The following GIN1 variants were observed in gnomAD, a reference collection of about 807,000 sequenced individuals.
GIN1 encodes gypsy retrotransposon integrase-like protein 1.
Under a neutral mutation model 51.4 loss-of-function variants are expected in GIN1, and 41 were observed. The ratio of observed to expected loss-of-function variants is 0.80; its 90% CI spans 0.62 to 1.04. The LOEUF is 1.04. Among genes scored for constraint, GIN1 ranks in the 50% least tolerant of loss-of-function variants. The pLI is 0.00. For synonymous variants in GIN1, 222 were observed against 206.5 expected (o/e 1.07, Z -0.64); for missense variants, 610 against 612.4 (o/e 1.00, Z 0.04).
intron 3 of GIN1, among the ~76,000 whole-genome samples, chr5:103,105,289 T>C (rs564575739): frequency 1.3e-5 from 2 of 152,304 alleles, no homozygotes; most frequent in Non-Finnish European, 2.9e-5. Flanking sequence ...TTGCATATAC[T>C]GAGGGAAGAC....
At chr5:103,095,511 C>A (rs891092853) in intron 7 of GIN1, among the ~76,000 whole-genome samples, 17 of 152,212 alleles carry the variant, frequency 1.1e-4, no homozygotes, top group African/African-American at 3.9e-4. Context: ...AAATTAATGT[C>A]ATTTTTAAAG....
In GIN1 at chr5:103,108,732, A is replaced by G. The variant is rs1554196616; in HGVS notation, c.-7-18T>C. ...TTGTGAACCTAGGTAAAAGGTATTT[A>G]AAAAGATAACTTAAATTTTAAGCTA... is the stretch of plus-strand genomic sequence containing the variant. On this transcript the variant is annotated intron_variant, in intron 1 of 7. Transcript: ENST00000399004. The G allele has an allele frequency of 1.9e-6, 3 of 1,541,478 alleles. No individual in the cohort carries two copies. Among genetic ancestry groups the G allele is most frequent in the Non-Finnish European group, 2.7e-6 (3 of 1,129,486 alleles).
intron 1 of GIN1, among the ~76,000 whole-genome samples, chr5:103,117,581 T>TATATACACACAC (rs5870042): frequency 4.0e-5 from 6 of 149,380 alleles, no homozygotes; most frequent in East Asian, 4.0e-4. Context: ...GAAAAAAATA[T>TATATACACACAC]ACACACACAC....
Position 103,097,471 on chromosome 5 carries a change from G to T in GIN1, c.851C>A (p.Pro284Gln). ...VTHLEPTKNT[P>Q]YFQMFSRNPY... ...ATTTCGACTAAACATTTGAAAATATGGTGTATTTTTAGTAGGTTCCTATTT... is the reference window on the plus strand; with the variant it reads ...ATTTCGACTAAACATTTGAAAATATTGTGTATTTTTAGTAGGTTCCTATTT... Residue 284 changes from proline to glutamine, a missense_variant, in exon 6 of 8, where the codon CCA becomes CAA. By Grantham distance (76) the Pro-to-Gln change is moderately conservative (BLOSUM62 -1). Coordinates refer to ENST00000399004, the MANE Select transcript of GIN1 (RefSeq NM_017676.2). 6.4e-7 allele frequency: 1 copy of T among 1,553,592 alleles called. No homozygotes were observed. Among genetic ancestry groups the T allele is most frequent in the Non-Finnish European group, 8.8e-7 (1 of 1,133,144 alleles).
At position 103,096,527 on chromosome 5, in the gene GIN1, T is replaced by TGAC; in HGVS notation, c.1294+11_1294+13dup. The TGAC allele has an allele frequency of 6.4e-7, 1 of 1,562,794 alleles. No homozygotes were observed. The highest frequency in any genetic ancestry group is 2.3e-5 in the East Asian group (1 of 44,290). On this transcript the variant is annotated intron_variant, in intron 7 of 7. Coordinates refer to ENST00000399004, the MANE Select transcript of GIN1 (RefSeq NM_017676.2). Reference sequence around the variant, plus strand: ...CTAAAGCAATAAAAATGTAGAGAAGTGACAGATATTTACCTTGTTCACTGG... The same window carrying TGAC: ...CTAAAGCAATAAAAATGTAGAGAAGTGACGACAGATATTTACCTTGTTCACTGG...
At position 103,088,045 on chromosome 5, in the gene GIN1, A is replaced by G. The variant is rs1554194129; in HGVS notation, c.1422T>C (p.Asn474=). ...GATCCTTGCTTGATGTCAGTAATTC[A>G]TTATCGACTATACCAATAGTTGCAT... The part of the protein sequence containing the change: ...VEDATIGIVD[N]ELLTSSKDRE... Residue 474 remains asparagine (N), a synonymous_variant, in exon 8 of 8, where the codon AAT becomes AAC. Transcript: ENST00000399004. 6.2e-7 allele frequency: 1 copy of G among 1,611,004 alleles called. No individual in the cohort carries two copies.
At chr5:103,116,794 A>G (rs1583138607) in intron 1 of GIN1, among the ~76,000 whole-genome samples, 1 of 152,074 alleles carries the variant, frequency 6.6e-6, no homozygotes, top group East Asian at 1.9e-4. Flanking sequence ...AAGAGATATG[A>G]TTAGCAAATA....
chr5:103,111,801 T>A lies in GIN1; in HGVS notation c.-7-3087A>T, dbSNP rs182563317. Among the ~76,000 whole-genome samples the A allele has an allele frequency of 3.3e-5, 5 of 152,242 alleles. No homozygotes were observed. In the East Asian group the frequency reaches 9.7e-4, roughly 29 times the overall value. On this transcript the variant is annotated intron_variant, in intron 1 of 7. Coordinates refer to ENST00000399004, the MANE Select transcript of GIN1 (RefSeq NM_017676.2). ...ACCTCTTGGTTCCAAGTTCCTACCATCTCTTGTCTTCCTCCCCCTACCCAT... is the reference window on the plus strand; with the variant it reads ...ACCTCTTGGTTCCAAGTTCCTACCAACTCTTGTCTTCCTCCCCCTACCCAT...
chr5:103,104,989 C>T (rs1787684800), intron 3 of GIN1, 143 bp from the exon 4 acceptor site: 2 of 587,684 alleles, frequency 3.4e-6, no homozygotes, highest in East Asian at 2.8e-5. Flanking sequence ...CTGAGAATCA[C>T]TGGATTAAAC....
intron 1 of GIN1, among the ~76,000 whole-genome samples, chr5:103,113,891 C>T (rs1394614052): frequency 1.3e-5 from 2 of 152,178 alleles, no homozygotes; most frequent in Non-Finnish European, 2.9e-5. Flanking sequence ...TGGGAGAATA[C>T]AACCATTAAG....
Position 103,104,558 on chromosome 5 carries a change from C to A in GIN1, c.622G>T (p.Asp208Tyr). ...TGTCTTACCTGTTGAATGAATTCAT[C>A]TCTTTGGTCCATTATTATTTTCTGA... Reference protein sequence around the residue: ...PPQKIIMDQRDEFIQQINIEL... With the variant: ...PPQKIIMDQRYEFIQQINIEL... The change falls in exon 4 of 8, where the codon GAT (aspartate) becomes TAT (tyrosine). Residue 208 changes from aspartate (D) to tyrosine (Y), a missense_variant. Physicochemically the swap from Asp to Tyr is radical, Grantham distance 160 (BLOSUM62 -3). Transcript: ENST00000399004. 6.6e-7 allele frequency: 1 copy of A among 1,515,410 alleles called. No homozygotes were observed. Among genetic ancestry groups the A allele is most frequent in the Non-Finnish European group, 9.1e-7 (1 of 1,095,596 alleles). 93.9% of individuals were successfully genotyped at this position (1,515,410 alleles called of 1,614,324 possible).
intron 1 of GIN1, among the ~76,000 whole-genome samples, chr5:103,117,581 T>TATACACACACACACACACAC (rs5870042): frequency 5.4e-5 from 8 of 149,382 alleles, no homozygotes; most frequent in African/African-American, 1.5e-4. Flanking sequence ...GAAAAAAATA[T>TATACACACACACACACACAC]ACACACACAC....
At chr5:103,108,787 G>T in intron 1 of GIN1, 73 bp from the exon 2 acceptor site, 2 of 928,084 alleles carry the variant, frequency 2.2e-6, no homozygotes, top group Non-Finnish European at 1.7e-6. Flanking sequence ...TAAGACTTCT[G>T]TCATATTTCT....
At chr5:103,108,459 G>A in intron 2 of GIN1, 110 bp downstream of exon 2, 1 of 696,518 alleles carries the variant, frequency 1.4e-6, no homozygotes, top group East Asian at 2.7e-5. Flanking sequence ...CAATTCAACT[G>A]GTAATTGTTT....
At chr5:103,115,075 T>C (rs1190794288) in intron 1 of GIN1, among the ~76,000 whole-genome samples, 2 of 152,206 alleles carry the variant, frequency 1.3e-5, no homozygotes, top group African/African-American at 4.8e-5. Context: ...AGATAGTTGC[T>C]AGAGACAGAT....
chr5:103,086,394 C>A lies in GIN1; in HGVS notation c.*1504G>T, dbSNP rs1787076367. On this transcript the variant is annotated 3_prime_UTR_variant, in exon 8 of 8. Coordinates refer to ENST00000399004, the MANE Select transcript of GIN1 (RefSeq NM_017676.2). ...AATTTTGGGAGGGGCACATATCAATCCTTAATAGTATTCAAAGCTCTCCAT... is the reference window on the plus strand; with the variant it reads ...AATTTTGGGAGGGGCACATATCAATACTTAATAGTATTCAAAGCTCTCCAT... The A allele has an allele frequency of 6.6e-6, 1 of 152,170 alleles. No homozygotes were observed. 9.4% of individuals were successfully genotyped at this position (152,170 alleles called of 1,614,324 possible).
chr5:103,090,048 G>A (rs947625456), intron 7 of GIN1, among the ~76,000 whole-genome samples: 3 of 152,284 alleles, frequency 2.0e-5, no homozygotes, highest in Admixed American at 2.0e-4. Flanking sequence ...CAGCACTTTG[G>A]GAAACCAATG....
In GIN1 at chr5:103,097,841, C is replaced by T. The variant is rs1453704791; in HGVS notation, c.640-60G>A. ...AATTTGTGTTTTATTTTTCCATTGA[C>T]TTAAAAAAAAGCTTCAAAAGAATTA... On this transcript the variant is annotated intron_variant, in intron 4 of 7. Coordinates refer to ENST00000399004, the MANE Select transcript of GIN1 (RefSeq NM_017676.2). 8.5e-6 allele frequency: 6 copies of T among 705,274 alleles called. No homozygotes were observed. The African/African-American group carries it at 1.1e-4, about 13-fold the overall frequency. The allele number at this position is 705,274 out of a possible 1,614,324, so 43.7% of individuals were successfully genotyped here.
chr5:103,111,711 T>G (rs530635899), intron 1 of GIN1, among the ~76,000 whole-genome samples: 1 of 152,156 alleles, frequency 6.6e-6, no homozygotes, highest in African/African-American at 2.4e-5. Flanking sequence ...AAACCAGCCA[T>G]TGGAAAAAAA....
Sources: gnomAD v4.1 joint callset for allele counts (sites outside exome capture counted in the v4.1 genomes callset) on GRCh38, gnomAD v4.1.1 for gene constraint, MANE v1.5 for transcripts, NCBI Gene and HGNC (gene_info 2026-07-23, HGNC 2026-07-21) for gene names.